Variants in ZNF362 observed in about 807,000 individuals in gnomAD.
The protein encoded by ZNF362 is zinc finger protein 362.
A neutral mutation model predicts 42.9 loss-of-function variants in ZNF362; 11 were observed. The observed-to-expected ratio is 0.26, with a 90% CI of 0.16 to 0.42. The LOEUF (loss-of-function observed/expected upper bound fraction) is 0.42. Among genes scored for constraint, ZNF362 ranks in the 20% least tolerant of loss-of-function variants. The pLI is 1.00. For synonymous variants in ZNF362, 255 were observed against 257.3 expected (o/e 0.99, Z 0.09); for missense variants, 362 against 576.2 (o/e 0.63, Z 3.81).
chr1:33,185,768 A>AT, the ZNF362 span, among the ~76,000 whole-genome samples: 113,389 of 151,378 alleles, frequency 0.75, 42,445 homozygotes, highest in Admixed American at 0.78. Context: ...AACATCAGGA[A>AT]TTTTTTTTTC....
At chr1:33,297,742 G>A (rs1035088376) in intron 8 of ZNF362, among the ~76,000 whole-genome samples, 1 of 152,122 alleles carries the variant, frequency 6.6e-6, no homozygotes, top group Non-Finnish European at 1.5e-5. Context: ...TCGAATTCCT[G>A]ACCGCAGGTG....
chr1:33,205,647 C>T, the ZNF362 span, among the ~76,000 whole-genome samples: 1 of 152,002 alleles, frequency 6.6e-6, no homozygotes, highest in Non-Finnish European at 1.5e-5. Flanking sequence ...GGTGTGGTAT[C>T]TCACACCTGT....
intron 1 of ZNF362, among the ~76,000 whole-genome samples, chr1:33,258,790 G>T (rs532475387): frequency 2.0e-5 from 3 of 152,098 alleles, no homozygotes; most frequent in African/African-American, 7.3e-5. Flanking sequence ...AGTATGGTGT[G>T]GTGATTATCA....
chr1:33,147,858 C>G, the ZNF362 span: 1 of 998,048 alleles, frequency 1.0e-6, no homozygotes, highest in Non-Finnish European at 1.4e-6. The surrounding 1 kb of genome is among the most constrained non-coding windows in gnomAD (Gnocchi z 8.1). Flanking sequence ...ACCTTGAATA[C>G]AAGTCTGCCC....
chr1:33,200,894 G>T, the ZNF362 span, among the ~76,000 whole-genome samples: 1 of 152,092 alleles, frequency 6.6e-6, no homozygotes. Context: ...ACTATGACTG[G>T]TGTCTTTGTA....
chr1:33,253,728 GATA>G (rs1317490366), upstream of ZNF362, among the ~76,000 whole-genome samples: 1 of 152,120 alleles, frequency 6.6e-6, no homozygotes, highest in East Asian at 1.9e-4. Context: ...GAATGATGAT[GATA>G]ATGATGATAT....
chr1:33,240,994 G>A, the ZNF362 span, among the ~76,000 whole-genome samples: 1 of 152,112 alleles, frequency 6.6e-6, no homozygotes, highest in Non-Finnish European at 1.5e-5. Context: ...CAGTAGAGAC[G>A]GTGCTTGAAA....
At chr1:33,141,668 A>G in the ZNF362 span, among the ~76,000 whole-genome samples, 2 of 152,112 alleles carry the variant, frequency 1.3e-5, no homozygotes, top group Non-Finnish European at 2.9e-5. Context: ...CTCTTCATCT[A>G]ATTTCAAGGG....
At chr1:33,226,349 C>T in the ZNF362 span, among the ~76,000 whole-genome samples, 11 of 152,120 alleles carry the variant, frequency 7.2e-5, no homozygotes, top group African/African-American at 2.2e-4. Context: ...AGCTCCTGCC[C>T]ATGAGTCAGT....
chr1:33,189,657 A>ACGTATATATATATACACATATATATG, the ZNF362 span, among the ~76,000 whole-genome samples: 3 of 102,006 alleles, frequency 2.9e-5, no homozygotes, highest in African/African-American at 4.1e-5. Flanking sequence ...ATATATATAT[A>ACGTATATATATATACACATATATATG]TATATATATA....
chr1:33,288,321 T>G (rs1570406151), intron 6 of ZNF362, among the ~76,000 whole-genome samples: 1 of 152,198 alleles, frequency 6.6e-6, no homozygotes, highest in East Asian at 1.9e-4. Flanking sequence ...GGGATGGCAG[T>G]GCCAGGCAAG....
chr1:33,292,662 A>G (rs1337824536), intron 6 of ZNF362, among the ~76,000 whole-genome samples: 2 of 152,088 alleles, frequency 1.3e-5, no homozygotes, highest in African/African-American at 2.4e-5. Context: ...TCCTCCTTGT[A>G]CCTCTGGTAG....
the ZNF362 span, among the ~76,000 whole-genome samples, chr1:33,192,969 GTCTC>G: frequency 8.1e-6 from 1 of 122,828 alleles, no homozygotes; most frequent in Non-Finnish European, 1.7e-5. Flanking sequence ...GTATATATAT[GTCTC>G]TCTCTCCACA....
intron 8 of ZNF362, among the ~76,000 whole-genome samples, chr1:33,297,703 G>A (rs535781521): frequency 1.3e-5 from 2 of 152,008 alleles, no homozygotes; most frequent in South Asian, 2.1e-4. Flanking sequence ...TAGTAGAGAC[G>A]GGGTTTCACC....
the ZNF362 span, among the ~76,000 whole-genome samples, chr1:33,175,475 G>A: frequency 1.3e-5 from 2 of 152,164 alleles, no homozygotes; most frequent in South Asian, 2.1e-4. Context: ...GGACTGAGTC[G>A]GGAGAGCTGA....
the ZNF362 span, among the ~76,000 whole-genome samples, chr1:33,168,917 C>T: frequency 3.9e-5 from 6 of 152,230 alleles, no homozygotes; most frequent in African/African-American, 1.4e-4. Context: ...TTGGAGTCTG[C>T]CTTCCTCACA....
the ZNF362 span, among the ~76,000 whole-genome samples, chr1:33,201,373 A>G: frequency 1.3e-5 from 2 of 152,240 alleles, no homozygotes; most frequent in Non-Finnish European, 2.9e-5. Context: ...ATTTACTAAG[A>G]CAGACCATAT....
the ZNF362 span, among the ~76,000 whole-genome samples, chr1:33,160,230 G>A: frequency 8.5e-4 from 129 of 152,232 alleles, no homozygotes; most frequent in African/African-American, 3.1e-3. Flanking sequence ...CTAGAGGGCA[G>A]CCTCTTTGAC....
At chr1:33,246,653 A>G in the ZNF362 span, among the ~76,000 whole-genome samples, 11 of 152,156 alleles carry the variant, frequency 7.2e-5, no homozygotes, top group African/African-American at 2.7e-4. Context: ...CTGGTGATTT[A>G]TGCCATTGCT....
Sources: allele counts gnomAD v4.1 joint callset (sites outside exome capture counted in the v4.1 genomes callset), GRCh38; gene constraint gnomAD v4.1.1; non-coding constraint Gnocchi (gnomAD v3.1); transcripts MANE v1.5; gene names NCBI Gene and HGNC (gene_info 2026-07-23, HGNC 2026-07-21).